The following MFHAS1 variants were observed in gnomAD, a reference collection of about 807,000 sequenced individuals.
MFHAS1 encodes malignant fibrous histiocytoma-amplified sequence 1.
A neutral mutation model predicts 70.4 loss-of-function variants in MFHAS1; 50 were observed. That is an observed-to-expected ratio of 0.71 (90% confidence interval 0.57 to 0.90). The LOEUF is 0.90. MFHAS1 is among the 40% of genes least tolerant of loss of function. The pLI, the probability that MFHAS1 is intolerant of heterozygous loss-of-function variation, is 0.00. For synonymous variants in MFHAS1, 952 were observed against 620.0 expected (o/e 1.54, Z -7.96); for missense variants, 1,795 against 1,347.6 (o/e 1.33, Z -5.20).
chr8:8,804,796 C>T (rs1429041795), intron 1 of MFHAS1, among the ~76,000 whole-genome samples: 2 of 152,276 alleles, frequency 1.3e-5, no homozygotes, highest in Non-Finnish European at 2.9e-5. Context: ...GGCCCACACA[C>T]TGGGCACGGA....
intron 1 of MFHAS1, among the ~76,000 whole-genome samples, chr8:8,806,758 C>T (rs1183579429): frequency 6.6e-6 from 1 of 152,056 alleles, no homozygotes; most frequent in African/African-American, 2.4e-5. Flanking sequence ...GTCAGGAGTT[C>T]GAGGCCAGCC....
chr8:8,846,981 C>T (rs1052601500), intron 1 of MFHAS1, among the ~76,000 whole-genome samples: 11 of 152,252 alleles, frequency 7.2e-5, no homozygotes, highest in African/African-American at 2.6e-4. Context: ...ATATGCCAGA[C>T]ACAATAAATA....
intron 1 of MFHAS1, among the ~76,000 whole-genome samples, chr8:8,845,177 G>C (rs1188281762): frequency 6.6e-6 from 1 of 152,156 alleles, no homozygotes; most frequent in Non-Finnish European, 1.5e-5. Context: ...TTTATGTTCT[G>C]CTTCAACTGC....
chr8:8,842,155 C>G (rs181543866), intron 1 of MFHAS1, among the ~76,000 whole-genome samples: 1 of 152,008 alleles, frequency 6.6e-6, no homozygotes, highest in African/African-American at 2.4e-5. Flanking sequence ...TACCTTCTTC[C>G]GGAGAAACTG....
chr8:8,813,815 T>A (rs746882499), intron 1 of MFHAS1, among the ~76,000 whole-genome samples: 1 of 152,124 alleles, frequency 6.6e-6, no homozygotes, highest in Non-Finnish European at 1.5e-5. Context: ...AGTGTTGAAG[T>A]CTACAGCAGC....
intron 1 of MFHAS1, among the ~76,000 whole-genome samples, chr8:8,852,236 A>G (rs1808273651): frequency 1.3e-5 from 2 of 152,160 alleles, no homozygotes; most frequent in Non-Finnish European, 2.9e-5. Context: ...ACATTTGGGA[A>G]GCCGAGGCGG....
chr8:8,844,551 A>G (rs1329989032), intron 1 of MFHAS1, among the ~76,000 whole-genome samples: 1 of 152,168 alleles, frequency 6.6e-6, no homozygotes, highest in Non-Finnish European at 1.5e-5. Context: ...GGCGTGCTCT[A>G]ATTCTGCAGA....
intron 1 of MFHAS1, among the ~76,000 whole-genome samples, chr8:8,819,947 C>T (rs563221844): frequency 7.2e-5 from 11 of 152,214 alleles, no homozygotes; most frequent in African/African-American, 2.4e-4. Flanking sequence ...ATCCTCCCGC[C>T]TCGGCCTCCC....
At chr8:8,846,266 G>GCT in intron 1 of MFHAS1, among the ~76,000 whole-genome samples, 1 of 99,204 alleles carries the variant, frequency 1.0e-5, no homozygotes, top group Non-Finnish European at 2.2e-5. Context: ...AAAAAAGGGG[G>GCT]GGGGGGAAGG....
At chr8:8,833,600 G>C (rs1807490214) in intron 1 of MFHAS1, among the ~76,000 whole-genome samples, 1 of 152,092 alleles carries the variant, frequency 6.6e-6, no homozygotes, top group African/African-American at 2.4e-5. Flanking sequence ...CCACACTCTA[G>C]CCTGGGTGAC....
At chr8:8,844,004 A>T (rs1369524807) in intron 1 of MFHAS1, among the ~76,000 whole-genome samples, 2 of 152,182 alleles carry the variant, frequency 1.3e-5, no homozygotes, top group Non-Finnish European at 2.9e-5. Context: ...GTTCTCTGGG[A>T]CTCTACCTAC....
intron 1 of MFHAS1, among the ~76,000 whole-genome samples, chr8:8,880,679 TTTTTG>T (rs777896182): frequency 0.03 from 4,294 of 141,086 alleles, 109 homozygotes; most frequent in East Asian, 0.14. Context: ...ATCCCTTCCT[TTTTTG>T]TTTTTTTTTT....
chr8:8,888,570 T>G (rs1003461716), intron 1 of MFHAS1, among the ~76,000 whole-genome samples: 4 of 151,480 alleles, frequency 2.6e-5, no homozygotes, highest in African/African-American at 9.7e-5. Flanking sequence ...CTACAAAGGA[T>G]GAGGAAATGG....
At chr8:8,811,765 C>T (rs1284075872) in intron 1 of MFHAS1, among the ~76,000 whole-genome samples, 1 of 152,238 alleles carries the variant, frequency 6.6e-6, no homozygotes, top group Non-Finnish European at 1.5e-5. Context: ...GAACGAAACT[C>T]ATCCATCCCC....
intron 2 of MFHAS1, among the ~76,000 whole-genome samples, chr8:8,788,928 G>A (rs10094026): frequency 0.14 from 21,342 of 152,176 alleles, 1,607 homozygotes; most frequent in African/African-American, 0.18. Flanking sequence ...GTCTGATTGT[G>A]CAGGGCCTTG....
chr8:8,814,410 A>G (rs1359949239), intron 1 of MFHAS1, among the ~76,000 whole-genome samples: 1 of 152,218 alleles, frequency 6.6e-6, no homozygotes, highest in Non-Finnish European at 1.5e-5. Context: ...GTAGTAGGCT[A>G]GACCATCTAG....
intron 2 of MFHAS1, among the ~76,000 whole-genome samples, chr8:8,792,241 C>CAAAACAAAACAAAAAACA (rs151069606): frequency 6.7e-6 from 1 of 150,310 alleles, no homozygotes; most frequent in African/African-American, 2.4e-5. Context: ...TGTCCCAAAA[C>CAAAACAAAACAAAAAACA]AAAAGCTCAG....
At chr8:8,864,610 C>T (rs1241301178) in intron 1 of MFHAS1, among the ~76,000 whole-genome samples, 1 of 152,192 alleles carries the variant, frequency 6.6e-6, no homozygotes, top group Non-Finnish European at 1.5e-5. Flanking sequence ...TCTTACAGAA[C>T]CACAATGAGC....
chr8:8,848,398 A>G (rs1192075428), intron 1 of MFHAS1, among the ~76,000 whole-genome samples: 1 of 26,428 alleles, frequency 3.8e-5, no homozygotes, highest in African/African-American at 7.9e-5. Flanking sequence ...AAAGAGGAAG[A>G]AAAAAAAAAA....
Sources: allele counts gnomAD v4.1 joint callset (sites outside exome capture counted in the v4.1 genomes callset), GRCh38; gene constraint gnomAD v4.1.1; transcripts MANE v1.5; gene names NCBI Gene and HGNC (gene_info 2026-07-23, HGNC 2026-07-21).